Variants in KDM4C observed in about 807,000 individuals in gnomAD.
KDM4C encodes the protein lysine demethylase 4C.
In KDM4C, 81 loss-of-function variants were observed where a neutral mutation model predicts 129.3. The ratio of observed to expected loss-of-function variants is 0.63; its 90% CI spans 0.52 to 0.75. KDM4C has a LOEUF of 0.75. Among genes scored for constraint, KDM4C ranks in the 30% least tolerant of loss-of-function variants. KDM4C has a pLI of 0.00. For synonymous variants in KDM4C, 573 were observed against 456.1 expected (o/e 1.26, Z -3.26); for missense variants, 1,457 against 1,304.0 (o/e 1.12, Z -1.81).
At chr9:6,897,724 G>T (rs1816691598) in intron 8 of KDM4C, among the ~76,000 whole-genome samples, 1 of 152,140 alleles carries the variant, frequency 6.6e-6, no homozygotes, top group Non-Finnish European at 1.5e-5. Context: ...GAACAGAGGG[G>T]CTTTTAATAA....
At chr9:6,789,581 G>C (rs927785523) in intron 1 of KDM4C, among the ~76,000 whole-genome samples, 3 of 151,916 alleles carry the variant, frequency 2.0e-5, no homozygotes, top group Non-Finnish European at 4.4e-5. Context: ...GCCCAGGCTG[G>C]TCTCCAACTC....
chr9:6,977,037 G>A (rs1833038925), intron 8 of KDM4C, among the ~76,000 whole-genome samples: 1 of 152,064 alleles, frequency 6.6e-6, no homozygotes, highest in Non-Finnish European at 1.5e-5. Context: ...TGGTAGAAAC[G>A]GGGTTTTGAC....
At chr9:7,152,394 C>T (rs1368672405) in intron 19 of KDM4C, among the ~76,000 whole-genome samples, 3 of 152,158 alleles carry the variant, frequency 2.0e-5, no homozygotes, top group South Asian at 4.1e-4. Flanking sequence ...TAACAAAATG[C>T]TCATGATGTA....
intron 2 of KDM4C, 69 bp downstream of exon 2, chr9:6,793,201 C>A (rs193059898): frequency 2.1e-5 from 32 of 1,511,986 alleles, no homozygotes; most frequent in Non-Finnish European, 2.8e-5. Context: ...TTAGTTTTCA[C>A]GATTTGGGAC....
chr9:6,925,496 A>G (rs908909027), intron 8 of KDM4C: 25 of 810,958 alleles, frequency 3.1e-5, no homozygotes, highest in Admixed American at 7.9e-5. Context: ...TATTCTCACC[A>G]TCTTGCTCAT....
At position 7,113,362 on chromosome 9, in the gene KDM4C, C is replaced by G. The variant is rs75745464; in HGVS notation, c.2610+9492C>G. 9.0e-3 allele frequency among the ~76,000 whole-genome samples: 1,366 copies of G among 152,342 alleles called. 21 individuals are homozygous for G. The highest frequency in any genetic ancestry group is 0.03 in the African/African-American group (1,264 of 41,570). Reference sequence around the variant, plus strand: ...TAGAATATTGACATTCAGAACCTATCTTTCTCTTATTCACATTATCAGGTA... The same window carrying G: ...TAGAATATTGACATTCAGAACCTATGTTTCTCTTATTCACATTATCAGGTA... On this transcript the variant is annotated intron_variant, in intron 18 of 21. Coordinates refer to ENST00000381309, the MANE Select transcript of KDM4C (RefSeq NM_015061.6).
At chr9:7,144,087 T>A (rs1047214647) in intron 19 of KDM4C, among the ~76,000 whole-genome samples, 3 of 152,172 alleles carry the variant, frequency 2.0e-5, no homozygotes, top group African/African-American at 4.8e-5. Context: ...TGTATACTCA[T>A]TACTCCTCTT....
At position 6,997,158 on chromosome 9, in the gene KDM4C, A is replaced by G. The variant is rs1334596087; in HGVS notation, c.1786+6634A>G. Reference sequence around the variant, plus strand: ...TGAGGGTTAAAAAAGTGTTTGGCACATAATGACTGTTTGTTGTTGCTGTTG... The same window carrying G: ...TGAGGGTTAAAAAAGTGTTTGGCACGTAATGACTGTTTGTTGTTGCTGTTG... On this transcript the variant is annotated intron_variant, in intron 12 of 21. Coordinates refer to ENST00000381309, the MANE Select transcript of KDM4C (RefSeq NM_015061.6). Among the ~76,000 whole-genome samples, 3 of 152,218 alleles carry G rather than the reference A, an allele frequency of 2.0e-5. No homozygotes were observed. The East Asian group carries it at 5.8e-4, about 29-fold the overall frequency.
chr9:7,145,865 CAG>C (rs1430578783), intron 19 of KDM4C, among the ~76,000 whole-genome samples: 4 of 152,210 alleles, frequency 2.6e-5, no homozygotes. Flanking sequence ...ATTTAATAAA[CAG>C]AAAGTGGTTC....
At chr9:6,777,175 G>C (rs934164019) in intron 1 of KDM4C, among the ~76,000 whole-genome samples, 1 of 152,164 alleles carries the variant, frequency 6.6e-6, no homozygotes, top group African/African-American at 2.4e-5. Context: ...AATTTAGGCA[G>C]CTATCTGGGA....
chr9:7,064,646 G>A (rs901401613), intron 17 of KDM4C, among the ~76,000 whole-genome samples: 6 of 152,178 alleles, frequency 3.9e-5, no homozygotes, highest in African/African-American at 1.4e-4. Context: ...AGGGTTTAGT[G>A]GGAGGAAGTA....
chr9:6,852,812 G>T (rs559551563), intron 5 of KDM4C, among the ~76,000 whole-genome samples: 19 of 152,158 alleles, frequency 1.2e-4, no homozygotes, highest in Admixed American at 1.3e-4. Flanking sequence ...CTTACTTACG[G>T]GCCCATGCTG....
intron 2 of KDM4C, among the ~76,000 whole-genome samples, chr9:6,796,273 C>T (rs896772083): frequency 4.6e-5 from 7 of 152,114 alleles, no homozygotes; most frequent in African/African-American, 1.7e-4. Context: ...GGTGAAACCC[C>T]ATCTCTACCA....
intron 15 of KDM4C, among the ~76,000 whole-genome samples, chr9:7,022,948 T>C (rs1586983003): frequency 6.6e-6 from 1 of 152,220 alleles, no homozygotes; most frequent in East Asian, 1.9e-4. Flanking sequence ...ATGTATCACA[T>C]TGATTGATTT....
intron 19 of KDM4C, among the ~76,000 whole-genome samples, chr9:7,155,811 A>G (rs571503017): frequency 2.4e-4 from 37 of 152,350 alleles, no homozygotes; most frequent in Admixed American, 1.6e-3. Context: ...TAGTGTGGCA[A>G]TAAACATACA....
chr9:6,757,526 A>C, upstream of KDM4C: 1 of 655,146 alleles, frequency 1.5e-6, no homozygotes, highest in Non-Finnish European at 1.9e-6. Context: ...GAGAACGGGA[A>C]CACAGCGCTG....
chr9:6,782,138 A>G (rs746884631), intron 1 of KDM4C, among the ~76,000 whole-genome samples: 4 of 152,096 alleles, frequency 2.6e-5, no homozygotes, highest in Non-Finnish European at 5.9e-5. Flanking sequence ...TATAAATTTT[A>G]GTGAGTAGGT....
intron 8 of KDM4C, among the ~76,000 whole-genome samples, chr9:6,949,847 C>G (rs144313312): frequency 1.2e-4 from 16 of 138,360 alleles, no homozygotes; most frequent in South Asian, 4.6e-4. Context: ...AGAGGGAGAC[C>G]GTGGGGAGAG....
intron 19 of KDM4C, among the ~76,000 whole-genome samples, chr9:7,130,790 AT>A (rs912678884): frequency 1.3e-5 from 2 of 151,772 alleles, no homozygotes; most frequent in Admixed American, 1.3e-4. Flanking sequence ...ACAGGGCCTC[AT>A]TTTGTCGCCT....
Sources: gnomAD v4.1 joint callset for allele counts (sites outside exome capture counted in the v4.1 genomes callset) on GRCh38, gnomAD v4.1.1 for gene constraint, MANE v1.5 for transcripts, NCBI Gene and HGNC (gene_info 2026-07-23, HGNC 2026-07-21) for gene names.